The following PRMT8 variants were observed in gnomAD, a reference collection of about 807,000 sequenced individuals.
PRMT8 encodes the protein protein arginine methyltransferase 8, also known as protein arginine N-methyltransferase 8.
PRMT8 carries 7 observed loss-of-function variants against 47.1 expected under a neutral mutation model. That is an observed-to-expected ratio of 0.15 (90% CI 0.08 to 0.28). The LOEUF (loss-of-function observed/expected upper bound fraction) is 0.28. Among genes scored for constraint, PRMT8 ranks in the 10% least tolerant of loss-of-function variants. PRMT8 has a pLI of 1.00. For missense variants in PRMT8, 237 were observed against 505.4 expected (o/e 0.47, Z 5.09); for synonymous variants, 188 against 186.5 (o/e 1.01, Z -0.07).
Position 3,511,849 on chromosome 12 carries a change from A to G in PRMT8, c.75+20149A>G, listed in dbSNP as rs114517510. ...CAAAGATTTGAGTTTCAAATCCATT[A>G]AAGCCATCCTTCTTTGGCTTCCTAA... On this transcript the variant is annotated intron_variant, in intron 1 of 9. Transcript: ENST00000382622. 9.8e-3 allele frequency among the ~76,000 whole-genome samples: 1,489 copies of G among 152,354 alleles called. 22 individuals are homozygous for G. The highest frequency in any genetic ancestry group is 0.034 in the African/African-American group (1,393 of 41,578).
At chr12:3,465,274 AAT>A (rs1463889759) in intron 1 of PRMT8, among the ~76,000 whole-genome samples, 1 of 27,392 alleles carries the variant, frequency 3.7e-5, no homozygotes, top group East Asian at 8.6e-3. Context: ...TATTTATAAA[AAT>A]AAAAAATATA....
chr12:3,508,628 C>A lies in PRMT8; in HGVS notation c.75+16928C>A, dbSNP rs1865667513. 6.6e-6 allele frequency among the ~76,000 whole-genome samples: 1 copy of A among 152,180 alleles called. No individual in the cohort carries two copies. Among genetic ancestry groups the A allele is most frequent in the South Asian group, 2.1e-4 (1 of 4,830 alleles). On this transcript the variant is annotated intron_variant, in intron 1 of 9. Transcript: ENST00000382622. This position sits in a 1 kb window ranked among gnomAD's most constrained non-coding sequence, Gnocchi z 4.9. ...ATTCTGTGAGTTGTGGTGCTGTGGG[C>A]TTGTTCCAGGCAGGGTTCTGGTCAC...
chr12:3,452,259 T>C (rs1432840520), intron 1 of PRMT8, among the ~76,000 whole-genome samples: 3 of 152,010 alleles, frequency 2.0e-5, no homozygotes, highest in Non-Finnish European at 4.4e-5. Flanking sequence ...AACAAACCCT[T>C]GTGATACAAG....
At chr12:3,443,717 T>C (rs1192220712) in intron 1 of PRMT8, among the ~76,000 whole-genome samples, 1 of 152,178 alleles carries the variant, frequency 6.6e-6, no homozygotes, top group Non-Finnish European at 1.5e-5. Flanking sequence ...TTCCAAGGCT[T>C]GTCAATCAGA....
At chr12:3,532,611 C>CAAAAAAAAAAAA (rs35698030) in intron 1 of PRMT8, among the ~76,000 whole-genome samples, 5 of 24,656 alleles carry the variant, frequency 2.0e-4, no homozygotes, top group African/African-American at 5.0e-4. Flanking sequence ...GACTCCGTCT[C>CAAAAAAAAAAAA]AAAAAAAAAA....
At chr12:3,533,106 G>C (rs1866059585) in intron 1 of PRMT8, among the ~76,000 whole-genome samples, 1 of 152,184 alleles carries the variant, frequency 6.6e-6, no homozygotes, top group South Asian at 2.1e-4. Flanking sequence ...GTTAGAGTCA[G>C]AGATTCTATA....
chr12:3,550,205 C>T lies in PRMT8; in HGVS notation c.417+114C>T. The T allele has an allele frequency of 7.4e-7, 1 of 1,346,630 alleles. No individual in the cohort carries two copies. The highest frequency in any genetic ancestry group is 1.0e-6 in the Non-Finnish European group (1 of 970,932). 83.4% of individuals were successfully genotyped at this position (1,346,630 alleles called of 1,614,324 possible). ...TTTGGTCCATCTCTTTTGCTGGGGT[C>T]ACACCTTCGAGGAGTAGAAGAAATC... On this transcript the variant is annotated intron_variant, in intron 3 of 9. Transcript: ENST00000382622. The surrounding 1 kb of genome is among the most constrained non-coding windows in gnomAD (Gnocchi z 5.1).
At position 3,584,207 on chromosome 12, in the gene PRMT8, G is replaced by A. The variant is rs141311909; in HGVS notation, c.979+999G>A. ...GTCCACCTTCTCACTGTGTCCTCAC[G>A]TGGTCTTTCCTCTGTGCTCATGAGC... On this transcript the variant is annotated intron_variant, in intron 8 of 9. Transcript: ENST00000382622. Among the ~76,000 whole-genome samples, 5 of 152,338 alleles carry A rather than the reference G, an allele frequency of 3.3e-5. No homozygotes were observed. In the East Asian group the frequency reaches 5.8e-4, roughly 18 times the overall value.
At chr12:3,573,251 T>G (rs1011979803) in intron 6 of PRMT8, among the ~76,000 whole-genome samples, 2 of 152,360 alleles carry the variant, frequency 1.3e-5, no homozygotes, top group Admixed American at 1.3e-4. Context: ...TTCCCTGATA[T>G]ATTCATTCTG....
chr12:3,553,766 A>C, intron 4 of PRMT8, 52 bp downstream of exon 4: 489 of 1,473,426 alleles, frequency 3.3e-4, no homozygotes, highest in Non-Finnish European at 4.1e-4. Context: ...CGGGAAGCTC[A>C]CACTTTCTTG....
chr12:3,460,555 G>C (rs541130814), intron 1 of PRMT8, among the ~76,000 whole-genome samples: 4 of 152,314 alleles, frequency 2.6e-5, no homozygotes, highest in South Asian at 4.1e-4. Context: ...GGAAGAGAAA[G>C]AAGGGAATGG....
intron 7 of PRMT8, among the ~76,000 whole-genome samples, chr12:3,578,125 T>G (rs1866982645): frequency 6.6e-6 from 1 of 152,222 alleles, no homozygotes; most frequent in Non-Finnish European, 1.5e-5. Flanking sequence ...CAAAAAAATT[T>G]TTTTTGAGAC....
intron 7 of PRMT8, among the ~76,000 whole-genome samples, chr12:3,579,865 G>A (rs1434258953): frequency 6.6e-6 from 1 of 152,188 alleles, no homozygotes; most frequent in Non-Finnish European, 1.5e-5. Context: ...AGTAATTTAT[G>A]CTGGTGAAGC....
intron 1 of PRMT8, among the ~76,000 whole-genome samples, chr12:3,495,526 C>T (rs1183683625): frequency 6.6e-6 from 1 of 152,232 alleles, no homozygotes; most frequent in African/African-American, 2.4e-5. Context: ...GCAGGCTTCC[C>T]AGATCTGCCA....
At chr12:3,536,881 G>A (rs1866127243) in intron 1 of PRMT8, among the ~76,000 whole-genome samples, 1 of 152,212 alleles carries the variant, frequency 6.6e-6, no homozygotes, top group South Asian at 2.1e-4. Flanking sequence ...GTTCTATTGT[G>A]TGGCTACACC....
At chr12:3,467,012 T>C (rs113750416) in intron 1 of PRMT8, among the ~76,000 whole-genome samples, 1,592 of 151,454 alleles carry the variant, frequency 0.011, 33 homozygotes, top group African/African-American at 0.036. Flanking sequence ...CGGAGGCGGG[T>C]GGATCACGAG....
Position 3,583,287 on chromosome 12 carries a change from C to T in PRMT8, c.979+79C>T. On this transcript the variant is annotated intron_variant, in intron 8 of 9. Coordinates refer to ENST00000382622, the MANE Select transcript of PRMT8 (RefSeq NM_019854.5). The surrounding 1 kb of genome is among the most constrained non-coding windows in gnomAD (Gnocchi z 4.7). ...TCTTTGTGGGGTGACCAGAGCTGGC[C>T]TTGACTTGGGGAGAAGGGGCTGGGT... 1 of 1,464,896 alleles carries T rather than the reference C, an allele frequency of 6.8e-7. No individual in the cohort carries two copies. The highest frequency in any genetic ancestry group is 9.2e-7 in the Non-Finnish European group (1 of 1,088,436). 90.7% of individuals were successfully genotyped at this position (1,464,896 alleles called of 1,614,324 possible). A position where few individuals can be genotyped will look rare whatever the true frequency, so the allele number is the denominator to read the frequency against.
chr12:3,416,502 A>G (rs942960495), intron 1 of PRMT8, among the ~76,000 whole-genome samples: 4 of 152,232 alleles, frequency 2.6e-5, no homozygotes, highest in African/African-American at 9.6e-5. Flanking sequence ...AATGTCTTGT[A>G]TGAGGCAGGC....
At chr12:3,470,106 C>T (rs751896601) in intron 1 of PRMT8, among the ~76,000 whole-genome samples, 20 of 151,982 alleles carry the variant, frequency 1.3e-4, no homozygotes, top group African/African-American at 2.2e-4. Flanking sequence ...CGGATTATAA[C>T]GAATACACAT....
Sources: gnomAD v4.1 joint callset for allele counts (sites outside exome capture counted in the v4.1 genomes callset) on GRCh38, gnomAD v4.1.1 for gene constraint, Gnocchi (gnomAD v3.1) non-coding constraint, MANE v1.5 for transcripts, NCBI Gene and HGNC (gene_info 2026-07-23, HGNC 2026-07-21) for gene names.